The following XIRP2 variants were observed in gnomAD, a reference collection of about 807,000 sequenced individuals.
XIRP2 encodes the protein xin actin-binding repeat-containing protein 2.
In XIRP2, 236 loss-of-function variants were observed where a neutral mutation model predicts 277.0. The observed-to-expected ratio is 0.85, with a 90% CI of 0.77 to 0.95. The LOEUF is 0.95. XIRP2 is among the 40% of genes least tolerant of loss of function. The pLI is 0.00. For synonymous variants in XIRP2, 1,490 were observed against 1,416.5 expected (o/e 1.05, Z -1.17); for missense variants, 4,640 against 4,157.5 (o/e 1.12, Z -3.19).
At chr2:166,916,789 A>G (rs1486671550) in intron 2 of XIRP2, among the ~76,000 whole-genome samples, 1 of 152,136 alleles carries the variant, frequency 6.6e-6, no homozygotes, top group Non-Finnish European at 1.5e-5. Context: ...TCAGCTGGAA[A>G]CCTTGGCTCA....
chr2:166,903,898 G>A lies in XIRP2; in HGVS notation c.408+8G>A, dbSNP rs766941577. ...GCTGAGTACGGTGGAAAGGTAAGGA[G>A]CCATTGATTGAGAGTCTATGTTTAC... On this transcript the variant is annotated splice_region_variant and intron_variant, in intron 2 of 10. Transcript: ENST00000409195. 3.4e-5 allele frequency: 54 copies of A among 1,607,100 alleles called. 2 individuals are homozygous for A. The highest frequency in any genetic ancestry group is 3.3e-5 in the South Asian group (3 of 90,900).
In XIRP2 at chr2:166,981,088, A is replaced by G. The variant is rs150093911; in HGVS notation, c.408+77198A>G. Among the ~76,000 whole-genome samples the G allele has an allele frequency of 2.3e-3, 351 of 152,228 alleles. 4 individuals are homozygous for G. Among genetic ancestry groups the G allele is most frequent in the African/African-American group, 7.8e-3 (324 of 41,548 alleles). Reference sequence around the variant, plus strand: ...TTTGCAGTATATGTTATATTTATGTATATTTTAAATCTTGTAGTGTAGAAC... The same window carrying G: ...TTTGCAGTATATGTTATATTTATGTGTATTTTAAATCTTGTAGTGTAGAAC... On this transcript the variant is annotated intron_variant, in intron 2 of 10. Transcript: ENST00000409195.
At chr2:167,180,059 A>G (rs1692971788) in intron 3 of XIRP2, among the ~76,000 whole-genome samples, 1 of 152,258 alleles carries the variant, frequency 6.6e-6, no homozygotes, top group Admixed American at 6.5e-5. Flanking sequence ...ACAAAAACAA[A>G]CAAACTTGAA....
At chr2:167,131,130 C>G (rs117784491) in intron 2 of XIRP2, among the ~76,000 whole-genome samples, 4 of 152,212 alleles carry the variant, frequency 2.6e-5, no homozygotes, top group African/African-American at 9.6e-5. Flanking sequence ...CTTCAAGCTA[C>G]CAAGCTTGCA....
intron 2 of XIRP2, among the ~76,000 whole-genome samples, chr2:167,043,590 A>G (rs1432096143): frequency 6.6e-6 from 1 of 152,112 alleles, no homozygotes; most frequent in East Asian, 1.9e-4. Context: ...AAGAAAACCT[A>G]GAAGAAATAG....
chr2:167,160,725 A>C (rs1269934551), intron 3 of XIRP2, among the ~76,000 whole-genome samples: 1 of 152,182 alleles, frequency 6.6e-6, no homozygotes, highest in Non-Finnish European at 1.5e-5. Flanking sequence ...GGGGACACAG[A>C]CAAACCATAT....
chr2:167,008,747 T>C (rs1402212304), intron 2 of XIRP2, among the ~76,000 whole-genome samples: 2 of 151,592 alleles, frequency 1.3e-5, no homozygotes, highest in African/African-American at 2.4e-5. Flanking sequence ...TTATGGACCT[T>C]TGTGCATCCC....
chr2:166,973,571 A>G (rs1055355698), intron 2 of XIRP2, among the ~76,000 whole-genome samples: 2 of 152,156 alleles, frequency 1.3e-5, no homozygotes, highest in Non-Finnish European at 2.9e-5. Flanking sequence ...TCCAAAATCC[A>G]TGCAATGCCT....
intron 2 of XIRP2, among the ~76,000 whole-genome samples, chr2:167,033,864 A>T (rs533382213): frequency 6.6e-6 from 1 of 152,348 alleles, no homozygotes; most frequent in South Asian, 2.1e-4. Context: ...CCAGTCCTAC[A>T]GGAAATGCTA....
At chr2:167,088,559 C>G (rs572311523) in intron 2 of XIRP2, among the ~76,000 whole-genome samples, 19 of 152,238 alleles carry the variant, frequency 1.2e-4, no homozygotes, top group Admixed American at 2.0e-4. Context: ...AACCTCAGTA[C>G]ACTTGCATAT....
At position 166,903,736 on chromosome 2, in the gene XIRP2, A is replaced by C. The variant is rs372136511; in HGVS notation, c.254A>C (p.Asn85Thr). The change falls in exon 2 of 11, where the codon AAC becomes ACC. Residue 85 changes from asparagine to threonine, a missense_variant. By Grantham distance (65) the Asn-to-Thr change is moderately conservative (BLOSUM62 0). Coordinates refer to ENST00000409195, the MANE Select transcript of XIRP2 (RefSeq NM_152381.6). The part of the protein sequence containing the change: ...PEEKDSVDKS[N>T]NTREYGRPEV... ...GAGAAGGATTCTGTGGACAAGAGTA[A>C]CAACACCAGGGAATATGGTCGGCCA... The C allele has an allele frequency of 1.9e-6, 3 of 1,613,534 alleles. No homozygotes were observed. The highest frequency in any genetic ancestry group is 2.5e-6 in the Non-Finnish European group (3 of 1,179,806).
At chr2:167,076,938 C>T (rs1689588404) in intron 2 of XIRP2, among the ~76,000 whole-genome samples, 1 of 152,102 alleles carries the variant, frequency 6.6e-6, no homozygotes, top group South Asian at 2.1e-4. Flanking sequence ...TCAAGCGATT[C>T]TCCTGACTCA....
chr2:167,066,136 G>GACAA (rs1689298566), intron 2 of XIRP2, among the ~76,000 whole-genome samples: 1 of 151,840 alleles, frequency 6.6e-6, no homozygotes, highest in South Asian at 2.1e-4. Flanking sequence ...GCACAAGACA[G>GACAA]TATTGTAAAG....
chr2:167,200,042 A>G (rs1036256628), intron 3 of XIRP2, among the ~76,000 whole-genome samples: 1 of 152,372 alleles, frequency 6.6e-6, no homozygotes, highest in African/African-American at 2.4e-5. Context: ...TAGAAAGAAT[A>G]GGATAGCAAC....
intron 2 of XIRP2, among the ~76,000 whole-genome samples, chr2:167,036,118 C>A (rs915912604): frequency 3.9e-5 from 6 of 152,212 alleles, no homozygotes; most frequent in Admixed American, 3.3e-4. Flanking sequence ...TCATGGAGAA[C>A]CTCTGCTAGG....
chr2:167,154,727 G>A (rs1002813693), intron 3 of XIRP2, among the ~76,000 whole-genome samples: 5 of 151,940 alleles, frequency 3.3e-5, no homozygotes, highest in Non-Finnish European at 7.4e-5. Context: ...CTGGCAGAAG[G>A]CAAGAAATAA....
At chr2:166,932,367 C>A (rs1574089089) in intron 2 of XIRP2, among the ~76,000 whole-genome samples, 1 of 151,844 alleles carries the variant, frequency 6.6e-6, no homozygotes, top group Non-Finnish European at 1.5e-5. Context: ...CAGATGCAAG[C>A]CACCACACCT....
chr2:167,218,125 A>G, intron 4 of XIRP2, 41 bp from the exon 5 acceptor site: 1 of 1,453,808 alleles, frequency 6.9e-7, no homozygotes, highest in Non-Finnish European at 9.1e-7. Flanking sequence ...CATCCTGCAC[A>G]GCTGTAAAGC....
Position 166,940,469 on chromosome 2 carries a change from CT to C in XIRP2, c.408+36582del, listed in dbSNP as rs543507081. Among the ~76,000 whole-genome samples the C allele has an allele frequency of 1.2e-3, 184 of 152,330 alleles. 2 individuals carry two copies. Among genetic ancestry groups the C allele is most frequent in the Middle Eastern group, 6.8e-3 (2 of 294 alleles). On this transcript the variant is annotated intron_variant, in intron 2 of 10. Transcript: ENST00000409195. ...CTCTTCAAAGTCATTCTCCATCCAG[CT>C]TTGTTCTGTTGCTGGCGAGGAGCTG...
Sources: gnomAD v4.1 joint callset for allele counts (sites outside exome capture counted in the v4.1 genomes callset) on GRCh38, gnomAD v4.1.1 for gene constraint, MANE v1.5 for transcripts, NCBI Gene and HGNC (gene_info 2026-07-23, HGNC 2026-07-21) for gene names.